Variants in PCDHGA4 observed in about 807,000 individuals in gnomAD.
PCDHGA4 encodes protocadherin gamma subfamily A, 4.
In PCDHGA4, 38 loss-of-function variants were observed where a neutral mutation model predicts 54.6. The observed-to-expected ratio is 0.70, with a 90% CI of 0.54 to 0.91. The LOEUF (loss-of-function observed/expected upper bound fraction) is 0.91, where lower values mean the gene tolerates loss of function less well. PCDHGA4 is among the 40% of genes least tolerant of loss of function. The pLI, the probability that PCDHGA4 is intolerant of heterozygous loss-of-function variation, is 0.00. For synonymous variants in PCDHGA4, 511 were observed against 512.9 expected (o/e 1.00, Z 0.05); for missense variants, 1,298 against 1,220.9 (o/e 1.06, Z -0.94).
chr5:141,355,281 G>A lies in PCDHGA4; in HGVS notation c.174G>A (p.Arg58=), dbSNP rs1201255791. The change falls in exon 1 of 4, where the codon AGG becomes AGA. Residue 58 remains arginine, a synonymous_variant. Transcript: ENST00000571252. ...CLLLGVLVEI[R]AEQILYSVFE... ...TCCTGGGGGTTCTGGTGGAAATCAG[G>A]GCCGAACAGATTCTCTACTCGGTGT... is the stretch of plus-strand genomic sequence containing the variant. 3 of 1,613,732 alleles carry A rather than the reference G, an allele frequency of 1.9e-6. No homozygotes were observed. Among genetic ancestry groups the A allele is most frequent in the Non-Finnish European group, 1.7e-6 (2 of 1,179,894 alleles).
intron 1 of PCDHGA4, chr5:141,427,267 A>C (rs1361287845): frequency 6.6e-6 from 3 of 456,648 alleles, no homozygotes; most frequent in Non-Finnish European, 1.3e-5. Flanking sequence ...ATGACCAGCG[A>C]ATGTAAAATT....
rs1434955829 is a variant in PCDHGA4, at chr5:141,431,361, A to G, written c.2515-63446A>G. 3 of 1,614,002 alleles carry G rather than the reference A, an allele frequency of 1.9e-6. No homozygotes were observed. The highest frequency in any genetic ancestry group is 2.5e-6 in the Non-Finnish European group (3 of 1,180,034). On this transcript the variant is annotated intron_variant, in intron 1 of 3. Transcript: ENST00000571252. The surrounding 1 kb of genome is among the most constrained non-coding windows in gnomAD (Gnocchi z 4.8). ...GAATTGGTGCTGAAACGCGCCCTGG[A>G]CCGCGAAGAAAAGGCTGCTCACCAC...
chr5:141,394,194 A>C (rs919478906), intron 1 of PCDHGA4: 3 of 1,613,842 alleles, frequency 1.9e-6, no homozygotes, highest in Non-Finnish European at 2.5e-6. Flanking sequence ...CTCAGCGTAT[A>C]TCCTAGAGAA....
intron 1 of PCDHGA4, among the ~76,000 whole-genome samples, chr5:141,433,408 A>ATCT (rs1413347413): frequency 3.1e-3 from 395 of 127,344 alleles, no homozygotes; most frequent in African/African-American, 0.011. Context: ...TCTATCTATT[A>ATCT]CTTTCTTGTA....
In PCDHGA4 at chr5:141,487,747, CTA is replaced by C. The variant is rs2099663990; in HGVS notation, c.2515-7058_2515-7057del. 1 of 1,558,062 alleles carries C rather than the reference CTA, an allele frequency of 6.4e-7. No individual in the cohort carries two copies. The highest frequency in any genetic ancestry group is 2.4e-5 in the East Asian group (1 of 41,708). On this transcript the variant is annotated intron_variant, in intron 1 of 3. Coordinates refer to ENST00000571252, the MANE Select transcript of PCDHGA4 (RefSeq NM_018917.4). This position sits in a 1 kb window ranked among gnomAD's most constrained non-coding sequence, Gnocchi z 5.0. ...ATGTCACCATTTTTGTAAGAGGTAA[CTA>C]TGTGGTAGACGCTGTGCTTTGTAAC... is the stretch of plus-strand genomic sequence containing the variant.
rs747132868 is a variant in PCDHGA4 at position 141,431,424 on chromosome 5, G to C, written c.2515-63383G>C. ...GCCTCCGACGGGGGCGACCCGGTGC[G>C]CACAGGCACCGCGCGCATCCGCGTG... On this transcript the variant is annotated intron_variant, in intron 1 of 3. Coordinates refer to ENST00000571252, the MANE Select transcript of PCDHGA4 (RefSeq NM_018917.4). This position sits in a 1 kb window ranked among gnomAD's most constrained non-coding sequence, Gnocchi z 4.8. The C allele has an allele frequency of 6.2e-7, 1 of 1,613,558 alleles. No individual in the cohort carries two copies. The highest frequency in any genetic ancestry group is 1.1e-5 in the South Asian group (1 of 91,082).
At position 141,364,360 on chromosome 5, in the gene PCDHGA4, C is replaced by G. The variant is rs200312693; in HGVS notation, c.2514+6739C>G. 3.8e-6 allele frequency: 6 copies of G among 1,558,464 alleles called. No individual in the cohort carries two copies. The highest frequency in any genetic ancestry group is 1.7e-4 in the Middle Eastern group (1 of 5,766). On this transcript the variant is annotated intron_variant, in intron 1 of 3. Coordinates refer to ENST00000571252, the MANE Select transcript of PCDHGA4 (RefSeq NM_018917.4). ...CGAGTCCACCTAGGGGCTGGGGCTGCGGAGAGCTGCTGCTGCCCTTCATGC... is the reference window on the plus strand; with the variant it reads ...CGAGTCCACCTAGGGGCTGGGGCTGGGGAGAGCTGCTGCTGCCCTTCATGC...
chr5:141,426,711 G>C, intron 1 of PCDHGA4: 1 of 444,496 alleles, frequency 2.2e-6, no homozygotes, highest in Non-Finnish European at 4.6e-6. Flanking sequence ...ACAAATCAAT[G>C]AACTAGCAAT....
chr5:141,374,455 G>T, intron 1 of PCDHGA4: 2 of 1,613,610 alleles, frequency 1.2e-6, no homozygotes, highest in Non-Finnish European at 1.7e-6. Context: ...TGGAAATAGT[G>T]GACATTAATG....
rs769514553 is a variant in PCDHGA4, at chr5:141,490,072, G to T, written c.2515-4735G>T. On this transcript the variant is annotated intron_variant, in intron 1 of 3. Transcript: ENST00000571252. The surrounding 1 kb of genome is among the most constrained non-coding windows in gnomAD (Gnocchi z 5.4). Reference sequence around the variant, plus strand: ...AGACGAGGGCACCAACGGCCAACTAGACTATTCTTTTGGAGACCACACATC... The same window carrying T: ...AGACGAGGGCACCAACGGCCAACTATACTATTCTTTTGGAGACCACACATC... 2 of 1,614,254 alleles carry T rather than the reference G, an allele frequency of 1.2e-6. No homozygotes were observed. Among genetic ancestry groups the T allele is most frequent in the South Asian group, 2.2e-5 (2 of 91,090 alleles).
chr5:141,414,741 A>C, intron 1 of PCDHGA4: 1 of 1,614,158 alleles, frequency 6.2e-7, no homozygotes. Flanking sequence ...ATGCACTCAG[A>C]TCCTTCGACT....
At chr5:141,442,309 G>C (rs1483682583) in intron 1 of PCDHGA4, 1 of 152,418 alleles carries the variant, frequency 6.6e-6, no homozygotes, top group Non-Finnish European at 1.5e-5. Flanking sequence ...TCTTTCCCAC[G>C]GATGTCTATC....
rs1562157859 is a variant in PCDHGA4 at position 141,493,022 on chromosome 5, G to GTGCC, written c.2515-1784_2515-1781dup. Among the ~76,000 whole-genome samples, 2 of 152,222 alleles carry GTGCC rather than the reference G, an allele frequency of 1.3e-5. No homozygotes were observed. Among genetic ancestry groups the GTGCC allele is most frequent in the African/African-American group, 4.8e-5 (2 of 41,454 alleles). ...GCTATAGGCTCTGCCAGATGCCAGG[G>GTGCC]TGCCCTTATGTGTGAGGAAACTACA... On this transcript the variant is annotated intron_variant, in intron 1 of 3. Coordinates refer to ENST00000571252, the MANE Select transcript of PCDHGA4 (RefSeq NM_018917.4). The surrounding 1 kb of genome is among the most constrained non-coding windows in gnomAD (Gnocchi z 4.3).
chr5:141,509,233 AG>A (rs1204393769), intron 3 of PCDHGA4, among the ~76,000 whole-genome samples: 1 of 152,104 alleles, frequency 6.6e-6, no homozygotes, highest in Non-Finnish European at 1.5e-5. Context: ...TTGATGTCCC[AG>A]GATTACTCAG....
rs1385408442 is a variant in PCDHGA4 at position 141,487,321 on chromosome 5, T to A, written c.2515-7486T>A. 1 of 1,614,198 alleles carries A rather than the reference T, an allele frequency of 6.2e-7. No homozygotes were observed. The highest frequency in any genetic ancestry group is 1.7e-5 in the Admixed American group (1 of 60,032). ...TCGTGGCACTACTCTCTAAGTGTCT[T>A]CGTGGGGCAGCCTGTGGAGTCACAT... is the stretch of plus-strand genomic sequence containing the variant. On this transcript the variant is annotated intron_variant, in intron 1 of 3. Transcript: ENST00000571252. This position sits in a 1 kb window ranked among gnomAD's most constrained non-coding sequence, Gnocchi z 5.0.
In PCDHGA4 at chr5:141,418,416, C is replaced by G. The variant is rs377542164; in HGVS notation, c.2514+60795C>G. The G allele has an allele frequency of 2.9e-5, 46 of 1,613,866 alleles. No homozygotes were observed. Among genetic ancestry groups the G allele is most frequent in the Non-Finnish European group, 3.4e-5 (40 of 1,179,880 alleles). ...TTCTCATTGGTGGAGAAAGACAATC[C>G]TGATGGTGGCAAATATCCAGAATTA... On this transcript the variant is annotated intron_variant, in intron 1 of 3. Transcript: ENST00000571252.
chr5:141,497,960 C>T (rs946836523), intron 2 of PCDHGA4, among the ~76,000 whole-genome samples: 24 of 152,202 alleles, frequency 1.6e-4, no homozygotes, highest in African/African-American at 5.8e-4. Flanking sequence ...GTTGGCCAGG[C>T]AGTGTTCTCG....
At chr5:141,376,055 G>C in intron 1 of PCDHGA4, 2 of 1,613,350 alleles carry the variant, frequency 1.2e-6, no homozygotes, top group Non-Finnish European at 1.7e-6. Flanking sequence ...CTCCGCCACT[G>C]TCACGCTCAC....
chr5:141,460,214 G>C (rs925628892), intron 1 of PCDHGA4, among the ~76,000 whole-genome samples: 1 of 151,896 alleles, frequency 6.6e-6, no homozygotes, highest in South Asian at 2.1e-4. Flanking sequence ...CATTTTCTTA[G>C]TTGTGTCTTT....
Sources: gnomAD v4.1 joint callset for allele counts (sites outside exome capture counted in the v4.1 genomes callset) on GRCh38, gnomAD v4.1.1 for gene constraint, Gnocchi (gnomAD v3.1) non-coding constraint, MANE v1.5 for transcripts, NCBI Gene and HGNC (gene_info 2026-07-23, HGNC 2026-07-21) for gene names.